The following MAP3K20 variants were observed in gnomAD, a reference collection of about 807,000 sequenced individuals.
MAP3K20 encodes the protein HCCS-4.
Under a neutral mutation model 85.7 loss-of-function variants are expected in MAP3K20, and 40 were observed. That is an observed-to-expected ratio of 0.47 (90% CI 0.36 to 0.61). The LOEUF is 0.61. Ranked by LOEUF, MAP3K20 falls within the 20% of genes least tolerant of loss-of-function variation. The pLI, the probability that MAP3K20 is intolerant of heterozygous loss-of-function variation, is 0.00. For synonymous variants in MAP3K20, 325 were observed against 327.7 expected (o/e 0.99, Z 0.09); for missense variants, 817 against 961.7 (o/e 0.85, Z 1.99).
At chr2:173,222,542 A>T in intron 11 of MAP3K20, 1 of 985,688 alleles carries the variant, frequency 1.0e-6, no homozygotes, top group Non-Finnish European at 1.2e-6. Context: ...CAGGGGGGTG[A>T]GTTCATGCCT....
chr2:173,167,736 A>C (rs1048344462), intron 2 of MAP3K20, among the ~76,000 whole-genome samples: 7 of 152,234 alleles, frequency 4.6e-5, no homozygotes, highest in Non-Finnish European at 2.9e-5. Context: ...ATCACTTGGC[A>C]ATATCTTAAA....
intron 2 of MAP3K20, among the ~76,000 whole-genome samples, chr2:173,126,204 G>T (rs1688438506): frequency 6.6e-6 from 1 of 152,024 alleles, no homozygotes; most frequent in Admixed American, 6.6e-5. Context: ...ACTTATATAG[G>T]ATTTATATAA....
chr2:173,168,120 A>C (rs1270681890), intron 2 of MAP3K20, among the ~76,000 whole-genome samples: 2 of 128,416 alleles, frequency 1.6e-5, no homozygotes, highest in Non-Finnish European at 3.7e-5. Flanking sequence ...AATAATAAAT[A>C]AACTTTATTA....
At chr2:173,195,906 C>T (rs1316746100) in intron 7 of MAP3K20, among the ~76,000 whole-genome samples, 1 of 152,172 alleles carries the variant, frequency 6.6e-6, no homozygotes, top group Non-Finnish European at 1.5e-5. Flanking sequence ...TTATTTTTCA[C>T]GGTTAGAGCT....
chr2:173,099,264 T>TC (rs1687556122), intron 2 of MAP3K20, among the ~76,000 whole-genome samples: 1 of 142,462 alleles, frequency 7.0e-6, no homozygotes, highest in Non-Finnish European at 1.5e-5. Flanking sequence ...TTTCCGGCCT[T>TC]TTTTTTTTCT....
chr2:173,227,179 T>G, intron 11 of MAP3K20: 2 of 970,260 alleles, frequency 2.1e-6, no homozygotes, highest in Non-Finnish European at 2.5e-6. Flanking sequence ...GTATATAAGA[T>G]CCCTGTTAGA....
At chr2:173,082,364 AC>A (rs1687036291) in intron 1 of MAP3K20, among the ~76,000 whole-genome samples, 1 of 152,184 alleles carries the variant, frequency 6.6e-6, no homozygotes, top group Non-Finnish European at 1.5e-5. Flanking sequence ...CCCTAGTTTT[AC>A]CATCCCCATT....
chr2:173,166,771 C>T (rs963837980), intron 2 of MAP3K20: 3 of 152,116 alleles, frequency 2.0e-5, no homozygotes, highest in African/African-American at 7.2e-5. Flanking sequence ...ACAGTGAACA[C>T]GTTTTTAAAC....
At chr2:173,225,927 A>C (rs1047342086) in intron 11 of MAP3K20, 4 of 985,068 alleles carry the variant, frequency 4.1e-6, no homozygotes, top group Admixed American at 6.2e-5. Flanking sequence ...AAAAGAAAAA[A>C]AACTCATTGA....
At chr2:173,117,257 A>G (rs1360438986) in intron 2 of MAP3K20, among the ~76,000 whole-genome samples, 1 of 152,156 alleles carries the variant, frequency 6.6e-6, no homozygotes, top group Non-Finnish European at 1.5e-5. Flanking sequence ...AAGCAGGGAT[A>G]TGTAGTTTTA....
intron 2 of MAP3K20, among the ~76,000 whole-genome samples, chr2:173,164,239 A>G (rs1222536553): frequency 6.6e-6 from 1 of 152,038 alleles, no homozygotes; most frequent in Non-Finnish European, 1.5e-5. Flanking sequence ...ATTTTTTAAT[A>G]ATAGCCATTC....
At chr2:173,102,837 T>C (rs1293962755) in intron 2 of MAP3K20, among the ~76,000 whole-genome samples, 1 of 152,020 alleles carries the variant, frequency 6.6e-6, no homozygotes. Context: ...AAACATATAC[T>C]CATAGGTGGG....
intron 10 of MAP3K20, 129 bp downstream of exon 10, chr2:173,209,964 G>C (rs567197432): frequency 1.2e-6 from 1 of 840,836 alleles, no homozygotes; most frequent in African/African-American, 1.7e-5. Context: ...AAAAGAAAAG[G>C]TTTTTTTTAT....
intron 2 of MAP3K20, among the ~76,000 whole-genome samples, chr2:173,140,523 A>G (rs922778667): frequency 6.6e-6 from 1 of 151,220 alleles, no homozygotes; most frequent in Non-Finnish European, 1.5e-5. Flanking sequence ...GCTAATTTTG[A>G]ATTTTTAGTA....
intron 2 of MAP3K20, among the ~76,000 whole-genome samples, chr2:173,101,808 G>A (rs1302829159): frequency 6.6e-6 from 1 of 152,190 alleles, no homozygotes; most frequent in Non-Finnish European, 1.5e-5. Flanking sequence ...CTGTAGTGAA[G>A]ATGGGAAGTC....
chr2:173,225,971 TC>T, intron 11 of MAP3K20: 1 of 985,016 alleles, frequency 1.0e-6, no homozygotes, highest in Non-Finnish European at 1.2e-6. Context: ...ATTTAAAGCC[TC>T]CTTTTTCTAC....
In MAP3K20 at chr2:173,184,087, G is replaced by T. The variant is rs531178633; in HGVS notation, c.349+1132G>T. ...ATGTTAATTTGCTTAATTGTGTATTGATGCATCGGGCATCTCAAATCATGC... is the reference window on the plus strand; with the variant it reads ...ATGTTAATTTGCTTAATTGTGTATTTATGCATCGGGCATCTCAAATCATGC... On this transcript the variant is annotated intron_variant, in intron 4 of 19. Transcript: ENST00000375213. Among the ~76,000 whole-genome samples the T allele has an allele frequency of 1.2e-3, 185 of 152,226 alleles. 2 individuals carry two copies. Among genetic ancestry groups the T allele is most frequent in the African/African-American group, 4.2e-3 (176 of 41,550 alleles).
At chr2:173,246,144 C>A (rs953085914) in intron 16 of MAP3K20, among the ~76,000 whole-genome samples, 1 of 152,154 alleles carries the variant, frequency 6.6e-6, no homozygotes, top group African/African-American at 2.4e-5. Flanking sequence ...CTGTATCATC[C>A]TCTTCATGAG....
chr2:173,091,089 GA>G lies in MAP3K20; in HGVS notation c.62del (p.Asn21ThrfsTer24). On this transcript the variant is annotated frameshift_variant, in exon 2 of 20. Transcript: ENST00000375213. LOFTEE classifies it high-confidence loss of function. Reference protein sequence around the residue: ...QIKFDDLQFFENCGGGSFGSV... With the variant: ...QIKFDDLQFFXNCGGGSFGSV... ...TAAATTTGATGACTTGCAGTTTTTT[GA>G]AAACTGCGGTGGAGGAAGTTTTGGG... 1 of 1,613,790 alleles carries G rather than the reference GA, an allele frequency of 6.2e-7. No individual in the cohort carries two copies. Among genetic ancestry groups the G allele is most frequent in the Non-Finnish European group, 8.5e-7 (1 of 1,179,884 alleles).
Sources: gnomAD v4.1 joint callset for allele counts (sites outside exome capture counted in the v4.1 genomes callset) on GRCh38, gnomAD v4.1.1 for gene constraint, MANE v1.5 for transcripts, NCBI Gene and HGNC (gene_info 2026-07-23, HGNC 2026-07-21) for gene names.